The following CNTNAP2 variants were observed in gnomAD, a reference collection of about 807,000 sequenced individuals.
CNTNAP2 encodes the protein contactin associated protein 2, also known as contactin-associated protein-like 2.
CNTNAP2 carries 98 observed loss-of-function variants against 155.2 expected under a neutral mutation model. The observed-to-expected ratio is 0.63, with a 90% CI of 0.54 to 0.75. The LOEUF (loss-of-function observed/expected upper bound fraction) is 0.75. Ranked by LOEUF, CNTNAP2 falls within the 30% of genes least tolerant of loss-of-function variation. The pLI is 0.00. For missense variants in CNTNAP2, 1,727 were observed against 1,688.1 expected (o/e 1.02, Z -0.40); for synonymous variants, 651 against 631.2 (o/e 1.03, Z -0.47).
chr7:147,317,990 A>G (rs929956451), intron 9 of CNTNAP2, among the ~76,000 whole-genome samples: 1 of 152,050 alleles, frequency 6.6e-6, no homozygotes, highest in African/African-American at 2.4e-5. Flanking sequence ...TAGCAATACT[A>G]TCTCTGATTC....
At chr7:147,586,445 G>A (rs1274139132) in intron 12 of CNTNAP2, among the ~76,000 whole-genome samples, 1 of 151,334 alleles carries the variant, frequency 6.6e-6, no homozygotes, top group Non-Finnish European at 1.5e-5. Flanking sequence ...CCAAGAGGTG[G>A]GGTCCATTCA....
At chr7:147,587,407 C>T (rs567936400) in intron 12 of CNTNAP2, among the ~76,000 whole-genome samples, 86 of 152,288 alleles carry the variant, frequency 5.6e-4, no homozygotes, top group African/African-American at 1.6e-3. Flanking sequence ...ACAACACATG[C>T]AATTAATTGA....
At chr7:146,175,213 T>C (rs772617420) in intron 1 of CNTNAP2, among the ~76,000 whole-genome samples, 35 of 152,260 alleles carry the variant, frequency 2.3e-4, no homozygotes, top group Non-Finnish European at 4.1e-4. Context: ...GAATATAAAA[T>C]GCATTTTAAT....
intron 1 of CNTNAP2, among the ~76,000 whole-genome samples, chr7:146,649,964 T>C (rs1381088617): frequency 1.3e-5 from 2 of 152,144 alleles, no homozygotes; most frequent in Non-Finnish European, 2.9e-5. Context: ...CACAGTGGGG[T>C]ACCATCTCAT....
intron 10 of CNTNAP2, among the ~76,000 whole-genome samples, chr7:147,479,712 G>A (rs1319590949): frequency 6.6e-6 from 1 of 150,448 alleles, no homozygotes; most frequent in African/African-American, 2.4e-5. Context: ...ATGATTAATA[G>A]ATGTAGACCA....
chr7:147,178,936 T>G, intron 8 of CNTNAP2, among the ~76,000 whole-genome samples: 1 of 152,138 alleles, frequency 6.6e-6, no homozygotes, highest in East Asian at 1.9e-4. Flanking sequence ...CTGTTAGGAT[T>G]AAGGACTCCA....
At chr7:147,826,937 T>C (rs986627290) in intron 13 of CNTNAP2, among the ~76,000 whole-genome samples, 19 of 149,660 alleles carry the variant, frequency 1.3e-4, no homozygotes, top group African/African-American at 4.5e-4. Flanking sequence ...CATTTTTTTT[T>C]TTTTTTTTTT....
intron 1 of CNTNAP2, among the ~76,000 whole-genome samples, chr7:146,205,128 A>G (rs1032214066): frequency 6.6e-6 from 1 of 152,036 alleles, no homozygotes; most frequent in Non-Finnish European, 1.5e-5. Flanking sequence ...GAAGATATCT[A>G]GAATCCCTTT....
intron 3 of CNTNAP2, among the ~76,000 whole-genome samples, chr7:146,863,857 G>A (rs962190579): frequency 3.3e-5 from 5 of 152,050 alleles, no homozygotes; most frequent in African/African-American, 1.2e-4. Flanking sequence ...CAAATATAAG[G>A]AGTAAATCCA....
intron 1 of CNTNAP2, among the ~76,000 whole-genome samples, chr7:146,135,115 A>T (rs998709603): frequency 1.3e-5 from 2 of 152,158 alleles, no homozygotes; most frequent in Non-Finnish European, 2.9e-5. Flanking sequence ...TCTATGGACC[A>T]CACATTGAGT....
chr7:146,901,663 A>T (rs1162871463), intron 3 of CNTNAP2, among the ~76,000 whole-genome samples: 1 of 152,194 alleles, frequency 6.6e-6, no homozygotes, highest in Admixed American at 6.5e-5. Flanking sequence ...AATCCAAAGG[A>T]AATATCAGTA....
intron 1 of CNTNAP2, among the ~76,000 whole-genome samples, chr7:146,349,576 C>T (rs1214186129): frequency 7.2e-5 from 11 of 152,114 alleles, no homozygotes; most frequent in Non-Finnish European, 1.6e-4. Context: ...ATGGTCTTTA[C>T]ATTTTGGCAT....
At chr7:147,740,263 A>AT (rs35353817) in intron 13 of CNTNAP2, among the ~76,000 whole-genome samples, 107,578 of 152,120 alleles carry the variant, frequency 0.71, 39,233 homozygotes, top group East Asian at 0.97. Context: ...TGCAGCAAGC[A>AT]TTTAAATTTA....
intron 1 of CNTNAP2, among the ~76,000 whole-genome samples, chr7:146,539,580 A>G (rs565811718): frequency 6.6e-6 from 1 of 152,176 alleles, no homozygotes; most frequent in South Asian, 2.1e-4. Context: ...GAAAGAAAAC[A>G]GGACTAAATT....
At chr7:146,648,289 G>A (rs1409095326) in intron 1 of CNTNAP2, among the ~76,000 whole-genome samples, 1 of 152,102 alleles carries the variant, frequency 6.6e-6, no homozygotes, top group Non-Finnish European at 1.5e-5. Flanking sequence ...CATATAGGGG[G>A]TGAGAAAACA....
chr7:147,917,183 A>T (rs1198841309), intron 14 of CNTNAP2, among the ~76,000 whole-genome samples: 1 of 152,194 alleles, frequency 6.6e-6, no homozygotes, highest in South Asian at 2.1e-4. Context: ...GAAAACTTAA[A>T]CTATTACTTA....
chr7:147,895,028 T>C (rs1799756114), intron 13 of CNTNAP2, among the ~76,000 whole-genome samples: 1 of 135,468 alleles, frequency 7.4e-6, no homozygotes, highest in Non-Finnish European at 1.5e-5. Context: ...TGGAGTGCAG[T>C]GGCACAATCT....
chr7:147,104,112 C>T (rs149183188), intron 4 of CNTNAP2, among the ~76,000 whole-genome samples: 1 of 152,010 alleles, frequency 6.6e-6, no homozygotes, highest in East Asian at 1.9e-4. Context: ...GACAAATGTG[C>T]CAGGTTATAT....
At chr7:148,143,276 C>G (rs1169109032) in intron 16 of CNTNAP2, among the ~76,000 whole-genome samples, 1 of 152,144 alleles carries the variant, frequency 6.6e-6, no homozygotes, top group Admixed American at 6.5e-5. Flanking sequence ...ACAGCTGAGG[C>G]TCTATATCAG....
Sources: allele counts gnomAD v4.1 joint callset (sites outside exome capture counted in the v4.1 genomes callset), GRCh38; gene constraint gnomAD v4.1.1; transcripts MANE v1.5; gene names NCBI Gene and HGNC (gene_info 2026-07-23, HGNC 2026-07-21).